Variants in PRKCQ observed in about 807,000 individuals in gnomAD.
PRKCQ encodes the protein protein kinase C theta, also known as protein kinase C theta type.
In PRKCQ, 41 loss-of-function variants were observed where a neutral mutation model predicts 91.2. The ratio of observed to expected loss-of-function variants is 0.45; its 90% CI spans 0.35 to 0.58. PRKCQ has a LOEUF of 0.58. Ranked by LOEUF, PRKCQ falls within the 20% of genes least tolerant of loss-of-function variation. The probability of loss-of-function intolerance (pLI) is 0.00; values close to 1 mark genes in which losing one functional copy is unlikely to be tolerated. For synonymous variants in PRKCQ, 307 were observed against 316.9 expected (o/e 0.97, Z 0.33); for missense variants, 673 against 896.5 (o/e 0.75, Z 3.18).
intron 15 of PRKCQ, 51 bp from the exon 16 acceptor site, chr10:6,442,132 T>G (rs1207091783): frequency 6.4e-7 from 1 of 1,556,730 alleles, no homozygotes; most frequent in Non-Finnish European, 8.8e-7. Flanking sequence ...GGCTGAGGAG[T>G]GACAACTCTT....
chr10:6,412,841 G>A, the PRKCQ span, among the ~76,000 whole-genome samples: 1 of 152,248 alleles, frequency 6.6e-6, no homozygotes, highest in African/African-American at 2.4e-5. Context: ...GGGCCACTAG[G>A]TACAGCCTGG....
intron 1 of PRKCQ, among the ~76,000 whole-genome samples, chr10:6,548,833 T>C (rs532344097): frequency 1.3e-5 from 2 of 152,120 alleles, no homozygotes; most frequent in Admixed American, 6.5e-5. Flanking sequence ...CGTATACATA[T>C]GTAACAAACT....
chr10:6,566,595 C>T (rs1023370852), intron 1 of PRKCQ, among the ~76,000 whole-genome samples: 3 of 152,124 alleles, frequency 2.0e-5, no homozygotes, highest in African/African-American at 7.2e-5. Context: ...GGGTGAATGA[C>T]ACAACGAGAT....
the PRKCQ span, among the ~76,000 whole-genome samples, chr10:6,413,650 C>T: frequency 1.2e-5 from 1 of 83,412 alleles, no homozygotes; most frequent in Admixed American, 1.0e-4. Flanking sequence ...CACACACACA[C>T]ACTAGGAAGC....
chr10:6,417,251 T>C, the PRKCQ span, among the ~76,000 whole-genome samples: 2 of 152,238 alleles, frequency 1.3e-5, no homozygotes, highest in African/African-American at 2.4e-5. Context: ...ATGTCATCAG[T>C]TGTTATTTTG....
At chr10:6,435,727 T>C (rs981302768) in intron 16 of PRKCQ, among the ~76,000 whole-genome samples, 19 of 152,290 alleles carry the variant, frequency 1.2e-4, no homozygotes, top group African/African-American at 4.6e-4. Flanking sequence ...ACAAAAAATG[T>C]CGTAATGTCA....
At position 6,430,106 on chromosome 10, in the gene PRKCQ, C is replaced by T. The variant is rs528201134; in HGVS notation, c.1965+704G>A. On this transcript the variant is annotated intron_variant, in intron 17 of 17. Transcript: ENST00000263125. The surrounding 1 kb of genome is among the most constrained non-coding windows in gnomAD (Gnocchi z 4.7). Reference sequence around the variant, plus strand: ...CTGACCTCAGGTGATCCACCCGCCTCGGCTTTCCAAAGTGCTGGGATTACA... The same window carrying T: ...CTGACCTCAGGTGATCCACCCGCCTTGGCTTTCCAAAGTGCTGGGATTACA... Among the ~76,000 whole-genome samples the T allele has an allele frequency of 1.1e-4, 16 of 152,312 alleles. No homozygotes were observed. The South Asian group carries it at 2.1e-3, about 20-fold the overall frequency.
intron 1 of PRKCQ, 104 bp from the exon 2 acceptor site, chr10:6,515,248 C>T (rs1838701505): frequency 1.3e-6 from 2 of 1,570,516 alleles, no homozygotes; most frequent in African/African-American, 2.7e-5. Flanking sequence ...CAGCCAGAAC[C>T]TCACATAGGT....
At chr10:6,438,872 C>T (rs1431274503) in intron 16 of PRKCQ, among the ~76,000 whole-genome samples, 3 of 152,178 alleles carry the variant, frequency 2.0e-5, no homozygotes, top group African/African-American at 7.2e-5. Flanking sequence ...GGCGAGGGTT[C>T]CAGGCATGAG....
At chr10:6,464,499 G>C in intron 12 of PRKCQ, 95 bp from the exon 13 acceptor site, 1 of 1,062,542 alleles carries the variant, frequency 9.4e-7, no homozygotes, top group Non-Finnish European at 1.4e-6. Flanking sequence ...TCCCAGGCTG[G>C]AGTGCAGTGG....
intron 1 of PRKCQ, among the ~76,000 whole-genome samples, chr10:6,522,949 T>G (rs1839070696): frequency 6.6e-6 from 1 of 152,130 alleles, no homozygotes; most frequent in South Asian, 2.1e-4. Flanking sequence ...GATAGAAAGA[T>G]TTCTTAGGTA....
At chr10:6,440,470 G>C (rs534421709) in intron 16 of PRKCQ, among the ~76,000 whole-genome samples, 35 of 152,298 alleles carry the variant, frequency 2.3e-4, no homozygotes, top group African/African-American at 7.2e-4. Flanking sequence ...TCAGGGGTAG[G>C]AGGCTGCCAG....
chr10:6,562,532 A>T (rs1840674770), intron 1 of PRKCQ, among the ~76,000 whole-genome samples: 2 of 152,210 alleles, frequency 1.3e-5, no homozygotes, highest in Non-Finnish European at 2.9e-5. Context: ...AATACATTGG[A>T]CAGCAAAACA....
intron 16 of PRKCQ, among the ~76,000 whole-genome samples, chr10:6,431,342 A>G (rs1006730166): frequency 2.6e-5 from 4 of 152,198 alleles, no homozygotes; most frequent in Admixed American, 6.5e-5. Flanking sequence ...GTGCACACAG[A>G]CAGGCACATG....
intron 12 of PRKCQ, among the ~76,000 whole-genome samples, chr10:6,476,884 C>T (rs926360449): frequency 6.6e-6 from 1 of 152,092 alleles, no homozygotes; most frequent in Non-Finnish European, 1.5e-5. Context: ...TACCTTCACC[C>T]TCCCAACAGC....
intron 10 of PRKCQ, 32 bp downstream of exon 10, chr10:6,485,120 A>G: frequency 6.5e-7 from 1 of 1,549,968 alleles, no homozygotes; most frequent in Non-Finnish European, 8.9e-7. Flanking sequence ...TTAATGACTG[A>G]CAGTGATTAG....
In PRKCQ at chr10:6,497,035, C is replaced by T. The variant is rs774904627; in HGVS notation, c.660G>A (p.Met220Ile). The change falls in exon 7 of 18, where the codon ATG (methionine) becomes ATA (isoleucine). Residue 220 changes from methionine to isoleucine, a missense_variant and splice_region_variant. Coordinates refer to ENST00000263125, the MANE Select transcript of PRKCQ (RefSeq NM_006257.5). This position sits in a 1 kb window ranked among gnomAD's most constrained non-coding sequence, Gnocchi z 4.5. ...GTCAAAGAGGAGTGTAAATACTCAC[C>T]ATGGTTTCTCGGCTATTGATAGCTG... ...TGSAINSRET[M>I]FHKERFKIDM... 1 of 1,611,410 alleles carries T rather than the reference C, an allele frequency of 6.2e-7. No individual in the cohort carries two copies. The highest frequency in any genetic ancestry group is 8.5e-7 in the Non-Finnish European group (1 of 1,178,944).
rs974677832 is a variant in PRKCQ, at chr10:6,427,626, G to T, written c.*581C>A. The stretch of plus-strand genomic sequence containing the variant: ...ATTTCATGCCCAATCAGGATGAATG[G>T]ATTTGTAGATCTCAAGTTACAAGCT... On this transcript the variant is annotated 3_prime_UTR_variant, in exon 18 of 18. Transcript: ENST00000263125. The T allele has an allele frequency of 1.3e-5, 2 of 152,862 alleles. No homozygotes were observed. Among genetic ancestry groups the T allele is most frequent in the Admixed American group, 1.3e-4 (2 of 15,392 alleles). The allele number at this position is 152,862 out of a possible 1,614,324, so 9.5% of individuals were successfully genotyped here.
chr10:6,415,746 CTTT>C, the PRKCQ span, among the ~76,000 whole-genome samples: 1,218 of 140,268 alleles, frequency 8.7e-3, 11 homozygotes, highest in African/African-American at 0.03. Flanking sequence ...CTCTCTCTCT[CTTT>C]TTTTTTTTTT....
Sources: gnomAD v4.1 joint callset for allele counts (sites outside exome capture counted in the v4.1 genomes callset) on GRCh38, gnomAD v4.1.1 for gene constraint, Gnocchi (gnomAD v3.1) non-coding constraint, MANE v1.5 for transcripts, NCBI Gene and HGNC (gene_info 2026-07-23, HGNC 2026-07-21) for gene names.